The following PLD1 variants were observed in gnomAD, a reference collection of about 807,000 sequenced individuals.
The protein encoded by PLD1 is choline phosphatase 1.
PLD1 carries 112 observed loss-of-function variants against 137.1 expected under a neutral mutation model. The observed-to-expected ratio is 0.82, with a 90% confidence interval of 0.70 to 0.96. PLD1 has a LOEUF of 0.96. PLD1 is among the 40% of genes least tolerant of loss of function. PLD1 has a pLI of 0.00. For synonymous variants in PLD1, 431 were observed against 454.7 expected, an observed-to-expected ratio of 0.95 and a Z score of 0.66; for missense variants, 1,321 against 1,342.0, an observed-to-expected ratio of 0.98 and a Z score of 0.24.
chr3:171,777,594 G>A (rs1220969024), intron 1 of PLD1, among the ~76,000 whole-genome samples: 1 of 152,066 alleles, frequency 6.6e-6, no homozygotes, highest in Non-Finnish European at 1.5e-5. Flanking sequence ...TTTCTCACAA[G>A]ACCTCACTTT....
At chr3:171,712,160 G>A (rs747563913) in intron 9 of PLD1, among the ~76,000 whole-genome samples, 1 of 152,200 alleles carries the variant, frequency 6.6e-6, no homozygotes, top group Non-Finnish European at 1.5e-5. Flanking sequence ...ATATGTCAGA[G>A]GTAGATGCTG....
At chr3:171,760,840 C>T (rs560301125) in intron 1 of PLD1, among the ~76,000 whole-genome samples, 2 of 152,304 alleles carry the variant, frequency 1.3e-5, no homozygotes, top group African/African-American at 4.8e-5. Context: ...AGCAATGGAT[C>T]GTATTAAAAG....
At chr3:171,779,986 T>G (rs1267969468) in intron 1 of PLD1, among the ~76,000 whole-genome samples, 35 of 151,862 alleles carry the variant, frequency 2.3e-4, no homozygotes, top group African/African-American at 7.0e-4. Context: ...GATTCAGGCC[T>G]GGGGTTAGGA....
At chr3:171,617,758 CA>C (rs1733243965) in intron 24 of PLD1, among the ~76,000 whole-genome samples, 1 of 152,048 alleles carries the variant, frequency 6.6e-6, no homozygotes, top group Admixed American at 6.5e-5. Context: ...TGTGAGAAAA[CA>C]AATATTTCCT....
At chr3:171,754,187 T>A (rs1720856495) in intron 1 of PLD1, among the ~76,000 whole-genome samples, 1 of 152,190 alleles carries the variant, frequency 6.6e-6, no homozygotes, top group Non-Finnish European at 1.5e-5. Context: ...TGTCTCTAAA[T>A]CCTGAGTCAC....
intron 1 of PLD1, among the ~76,000 whole-genome samples, chr3:171,796,957 C>A (rs371765374): frequency 1.3e-5 from 2 of 152,288 alleles, no homozygotes; most frequent in South Asian, 4.2e-4. Context: ...GCCAGAGCTG[C>A]CCTTCTTAAG....
At chr3:171,663,149 TTAGCGTC>T (rs1711696709) in intron 19 of PLD1, among the ~76,000 whole-genome samples, 1 of 152,226 alleles carries the variant, frequency 6.6e-6, no homozygotes, top group South Asian at 2.1e-4. Flanking sequence ...CCTCTTCTCC[TTAGCGTC>T]TATATTCAAT....
chr3:171,689,231 T>G (rs1714891409), intron 13 of PLD1, among the ~76,000 whole-genome samples: 1 of 151,954 alleles, frequency 6.6e-6, no homozygotes, highest in African/African-American at 2.4e-5. Flanking sequence ...AAGCTAAAAA[T>G]ATTTAACTAC....
chr3:171,652,603 AT>A (rs571388546), intron 21 of PLD1, among the ~76,000 whole-genome samples: 16 of 148,078 alleles, frequency 1.1e-4, no homozygotes, highest in African/African-American at 1.5e-4. Flanking sequence ...CATTCATCTG[AT>A]TTTTTTTTTC....
At chr3:171,776,811 T>C (rs1392625223) in intron 1 of PLD1, among the ~76,000 whole-genome samples, 1 of 152,226 alleles carries the variant, frequency 6.6e-6, no homozygotes, top group African/African-American at 2.4e-5. Context: ...CCCTGCAAAG[T>C]GTAGCATCAT....
chr3:171,625,484 T>C (rs918956592), intron 23 of PLD1, among the ~76,000 whole-genome samples: 1 of 152,186 alleles, frequency 6.6e-6, no homozygotes, highest in East Asian at 1.9e-4. Context: ...CCCTGTCTGA[T>C]AGCTTTGAAG....
chr3:171,692,234 G>T, intron 13 of PLD1, 98 bp downstream of exon 13: 1 of 627,102 alleles, frequency 1.6e-6, no homozygotes, highest in South Asian at 2.0e-5. Context: ...ATATACATTT[G>T]GGCATTCTAT....
At chr3:171,765,734 C>G (rs1209698033) in intron 1 of PLD1, among the ~76,000 whole-genome samples, 1 of 152,154 alleles carries the variant, frequency 6.6e-6, no homozygotes. Flanking sequence ...CTTCAGCATT[C>G]CAGTCAAATC....
intron 20 of PLD1, among the ~76,000 whole-genome samples, chr3:171,660,029 T>C (rs149783580): frequency 1.3e-5 from 2 of 152,200 alleles, no homozygotes; most frequent in Non-Finnish European, 2.9e-5. Flanking sequence ...TAAAGGAATG[T>C]GAAAAATTTG....
intron 1 of PLD1, among the ~76,000 whole-genome samples, chr3:171,781,595 C>A (rs1414337162): frequency 2.0e-5 from 3 of 152,128 alleles, no homozygotes; most frequent in African/African-American, 7.2e-5. Flanking sequence ...TGGACATCCA[C>A]AAAGGAAGAC....
chr3:171,709,692 C>T lies in PLD1; in HGVS notation c.929G>A (p.Cys310Tyr). The T allele has an allele frequency of 6.2e-7, 1 of 1,612,170 alleles. No homozygotes were observed. Among genetic ancestry groups the T allele is most frequent in the Non-Finnish European group, 8.5e-7 (1 of 1,179,436 alleles). ...DNLSRTLILK[C>Y]NSYRHARWWG... is the part of the protein sequence containing the mutation. ...CCACCGAGCATGTCTATAGCTGTTG[C>T]ATTTTAAAATAAGTGTCCTTTAAAG... The change falls in exon 10 of 27, where the codon TGC becomes TAC. Residue 310 changes from cysteine (C) to tyrosine (Y), a missense_variant. Physicochemically the swap from Cys to Tyr is radical, Grantham distance 194. Coordinates refer to ENST00000351298, the MANE Select transcript of PLD1 (RefSeq NM_002662.5).
At chr3:171,672,825 C>G (rs1007454302) in intron 19 of PLD1, among the ~76,000 whole-genome samples, 1 of 152,094 alleles carries the variant, frequency 6.6e-6, no homozygotes, top group African/African-American at 2.4e-5. Context: ...GCGGAAAAAG[C>G]GAACGAAGAG....
intron 24 of PLD1, among the ~76,000 whole-genome samples, chr3:171,613,048 T>C (rs1732799241): frequency 6.6e-6 from 1 of 152,148 alleles, no homozygotes; most frequent in South Asian, 2.1e-4. Context: ...CGCATGCCTG[T>C]AGTCCCAGCT....
intron 9 of PLD1, 39 bp from the exon 10 acceptor site, chr3:171,709,748 T>C (rs1431462275): frequency 1.9e-6 from 3 of 1,554,134 alleles, no homozygotes. Flanking sequence ...GACTGGTCAC[T>C]CTGTTCTATC....
Sources: allele counts gnomAD v4.1 joint callset (sites outside exome capture counted in the v4.1 genomes callset), GRCh38; gene constraint gnomAD v4.1.1; transcripts MANE v1.5; gene names NCBI Gene and HGNC (gene_info 2026-07-23, HGNC 2026-07-21).